Variants in MIPOL1 observed in about 807,000 individuals in gnomAD.
The protein encoded by MIPOL1 is mirror-image polydactyly gene 1 protein.
A neutral mutation model predicts 60.9 loss-of-function variants in MIPOL1; 57 were observed. The observed-to-expected ratio is 0.94, with a 90% CI of 0.76 to 1.17. MIPOL1 has a LOEUF of 1.17. Ranked by LOEUF, MIPOL1 falls within the 50% of genes most tolerant of loss-of-function variation. The probability of loss-of-function intolerance (pLI) is 0.00; values close to 1 mark genes in which losing one functional copy is unlikely to be tolerated. For synonymous variants in MIPOL1, 179 were observed against 168.8 expected (o/e 1.06, Z -0.47); for missense variants, 551 against 511.6 (o/e 1.08, Z -0.74).
chr14:37,484,440 CA>C (rs1472342210), intron 11 of MIPOL1, among the ~76,000 whole-genome samples: 4 of 149,808 alleles, frequency 2.7e-5, no homozygotes, highest in Admixed American at 2.0e-4. Context: ...CGGATTCAAG[CA>C]ATTCTCCTGA....
chr14:37,490,725 C>T (rs1270697156), intron 11 of MIPOL1, among the ~76,000 whole-genome samples: 1 of 152,132 alleles, frequency 6.6e-6, no homozygotes, highest in African/African-American at 2.4e-5. Flanking sequence ...CCCCTTAACA[C>T]TTCCCAGATG....
At chr14:37,430,534 G>A (rs2094044242) in intron 11 of MIPOL1, among the ~76,000 whole-genome samples, 1 of 149,204 alleles carries the variant, frequency 6.7e-6, no homozygotes, top group Non-Finnish European at 1.5e-5. Context: ...TACATTTTCT[G>A]TATGTCCAGT....
chr14:37,242,090 G>A (rs946172489), intron 1 of MIPOL1, among the ~76,000 whole-genome samples: 3 of 150,978 alleles, frequency 2.0e-5, no homozygotes, highest in Admixed American at 1.3e-4. Context: ...TGGGCCTCTC[G>A]GTGGTAATGT....
intron 11 of MIPOL1, among the ~76,000 whole-genome samples, chr14:37,462,624 C>T (rs1201527091): frequency 6.6e-6 from 1 of 152,158 alleles, no homozygotes; most frequent in Non-Finnish European, 1.5e-5. Context: ...ACCCAAGTCA[C>T]CTCTGGAATG....
chr14:37,292,050 T>C (rs941141602), intron 7 of MIPOL1, among the ~76,000 whole-genome samples: 4 of 149,690 alleles, frequency 2.7e-5, no homozygotes, highest in African/African-American at 9.8e-5. Context: ...CTCACCCTGC[T>C]AAGTAGCTGG....
At chr14:37,302,173 C>G (rs937439076) in intron 7 of MIPOL1, among the ~76,000 whole-genome samples, 6 of 148,744 alleles carry the variant, frequency 4.0e-5, no homozygotes, top group Non-Finnish European at 6.0e-5. Flanking sequence ...AAGAAACTGC[C>G]AAATTCTTTT....
chr14:37,218,938 A>AG, intron 1 of MIPOL1, among the ~76,000 whole-genome samples: 1 of 151,842 alleles, frequency 6.6e-6, no homozygotes, highest in African/African-American at 2.4e-5. Context: ...AAAAAAAAAA[A>AG]AAAAGAAAAA....
intron 10 of MIPOL1, among the ~76,000 whole-genome samples, chr14:37,374,815 G>A (rs1480735880): frequency 1.3e-5 from 2 of 152,070 alleles, no homozygotes; most frequent in African/African-American, 4.8e-5. Context: ...GTCAGTTATC[G>A]TGATGCATCC....
chr14:37,214,122 T>C (rs1967165369), intron 1 of MIPOL1, among the ~76,000 whole-genome samples: 1 of 152,182 alleles, frequency 6.6e-6, no homozygotes, highest in Admixed American at 6.5e-5. Flanking sequence ...GAGTAATAAA[T>C]AATTGCCTGA....
chr14:37,518,970 A>G (rs1175013802), intron 12 of MIPOL1, among the ~76,000 whole-genome samples: 1 of 152,100 alleles, frequency 6.6e-6, no homozygotes. Flanking sequence ...CTTAGAGTCT[A>G]CAAACGTACT....
At chr14:37,413,433 GT>G (rs1260813563) in intron 10 of MIPOL1, among the ~76,000 whole-genome samples, 1 of 152,168 alleles carries the variant, frequency 6.6e-6, no homozygotes, top group Non-Finnish European at 1.5e-5. Context: ...GCAATGGCCA[GT>G]TTAATCTTTC....
intron 11 of MIPOL1, among the ~76,000 whole-genome samples, chr14:37,433,555 C>A (rs2094111938): frequency 6.6e-6 from 1 of 151,728 alleles, no homozygotes; most frequent in Non-Finnish European, 1.5e-5. Context: ...TGAACTCATT[C>A]TTGTTTGTTT....
chr14:37,294,000 C>A (rs2085357836), intron 7 of MIPOL1, among the ~76,000 whole-genome samples: 1 of 152,212 alleles, frequency 6.6e-6, no homozygotes, highest in East Asian at 1.9e-4. Flanking sequence ...TGAGAACGGG[C>A]AGACTGCCTC....
intron 3 of MIPOL1, among the ~76,000 whole-genome samples, chr14:37,258,332 A>G (rs1260184659): frequency 4.6e-5 from 7 of 152,156 alleles, no homozygotes; most frequent in Non-Finnish European, 8.8e-5. Context: ...CAAAAAATAC[A>G]TAATTATTAA....
At chr14:37,446,976 A>G (rs2094346252) in intron 11 of MIPOL1, among the ~76,000 whole-genome samples, 1 of 152,016 alleles carries the variant, frequency 6.6e-6, no homozygotes, top group South Asian at 2.1e-4. Flanking sequence ...CTAATGCTAA[A>G]TTACGAGTTA....
Position 37,537,501 on chromosome 14 carries a change from T to A in MIPOL1, c.1263-9404T>A, listed in dbSNP as rs534159516. Among the ~76,000 whole-genome samples, 338 of 152,286 alleles carry A rather than the reference T, an allele frequency of 2.2e-3. 3 individuals carry two copies. The highest frequency in any genetic ancestry group is 4.3e-3 in the Non-Finnish European group (291 of 68,004). On this transcript the variant is annotated intron_variant, in intron 12 of 12. Coordinates refer to ENST00000684589, the MANE Select transcript of MIPOL1 (RefSeq NM_001388067.1). ...TAAATAAATTATGCCCACAGCCGAA[T>A]CAATCACAACCCATTATTAAATTTG...
intron 10 of MIPOL1, among the ~76,000 whole-genome samples, chr14:37,406,242 G>T (rs989251206): frequency 1.3e-5 from 2 of 152,020 alleles, no homozygotes; most frequent in African/African-American, 4.8e-5. Flanking sequence ...TGTTGAAATG[G>T]TATAGAAGAA....
rs2095114271 is a variant in MIPOL1, at chr14:37,495,631, TTTG to T, written c.1032-4276_1032-4274del. The stretch of plus-strand genomic sequence containing the variant: ...TTTATAGCAGCATGATTTATAGTCC[TTTG>T]GGTATATACCCAGTAATGGGATGGC... On this transcript the variant is annotated intron_variant, in intron 11 of 12. Coordinates refer to ENST00000684589, the MANE Select transcript of MIPOL1 (RefSeq NM_001388067.1). Among the ~76,000 whole-genome samples the T allele has an allele frequency of 5.2e-5, 7 of 133,770 alleles. 1 individual carries two copies. The highest frequency in any genetic ancestry group is 2.0e-4 in the African/African-American group (7 of 34,532). The allele number at this position is 133,770 out of a possible 152,430, so 87.8% of individuals were successfully genotyped here.
chr14:37,466,183 T>C (rs1227723829), intron 11 of MIPOL1, among the ~76,000 whole-genome samples: 2 of 152,168 alleles, frequency 1.3e-5, no homozygotes, highest in African/African-American at 2.4e-5. Context: ...GTGTAGTGTT[T>C]AGTAAAGTGA....
Sources: gnomAD v4.1 joint callset for allele counts (sites outside exome capture counted in the v4.1 genomes callset) on GRCh38, gnomAD v4.1.1 for gene constraint, MANE v1.5 for transcripts, NCBI Gene and HGNC (gene_info 2026-07-23, HGNC 2026-07-21) for gene names.